The following ME3 variants were observed in gnomAD, a reference collection of about 807,000 sequenced individuals.
The protein encoded by ME3 is NADP-dependent malic enzyme, mitochondrial.
Under a neutral mutation model 68.9 loss-of-function variants are expected in ME3, and 48 were observed. That is an observed-to-expected ratio of 0.70 (90% CI 0.55 to 0.89). ME3 has a LOEUF of 0.89. ME3 is among the 40% of genes least tolerant of loss of function. ME3 has a pLI of 0.00. For synonymous variants in ME3, 320 were observed against 318.8 expected (o/e 1.00, Z -0.04); for missense variants, 675 against 797.4 (o/e 0.85, Z 1.85).
At chr11:86,615,245 T>C (rs1332056934) in intron 2 of ME3, among the ~76,000 whole-genome samples, 2 of 152,168 alleles carry the variant, frequency 1.3e-5, no homozygotes, top group African/African-American at 4.8e-5. Context: ...TAATTGGAAT[T>C]ATGGAATTTT....
At chr11:86,445,338 A>G (rs1194928888) in intron 13 of ME3, among the ~76,000 whole-genome samples, 1 of 152,196 alleles carries the variant, frequency 6.6e-6, no homozygotes, top group East Asian at 1.9e-4. Flanking sequence ...CAAAGACTAG[A>G]CATAGTAAGA....
chr11:86,435,518 C>T, the ME3 span: 1 of 152,148 alleles, frequency 6.6e-6, no homozygotes, highest in South Asian at 2.1e-4. Flanking sequence ...AGGGTCTCTC[C>T]TGAGGGAAAG....
chr11:86,647,724 G>A (rs1215392175), intron 2 of ME3, among the ~76,000 whole-genome samples: 2 of 152,152 alleles, frequency 1.3e-5, no homozygotes, highest in Non-Finnish European at 1.5e-5. Context: ...AAATATATAT[G>A]CACCCAGTAC....
chr11:86,526,292 A>T (rs1398458783), intron 4 of ME3, among the ~76,000 whole-genome samples: 1 of 152,188 alleles, frequency 6.6e-6, no homozygotes, highest in Non-Finnish European at 1.5e-5. Context: ...GTCTGAGATC[A>T]AACTGCAAGG....
At chr11:86,513,477 G>A (rs931842746) in intron 4 of ME3, among the ~76,000 whole-genome samples, 1 of 152,186 alleles carries the variant, frequency 6.6e-6, no homozygotes, top group African/African-American at 2.4e-5. Context: ...GAGAGGTGAA[G>A]TCACTTGTCC....
At chr11:86,656,414 C>T (rs972991243) in intron 2 of ME3, among the ~76,000 whole-genome samples, 2 of 151,972 alleles carry the variant, frequency 1.3e-5, no homozygotes, top group African/African-American at 4.8e-5. Flanking sequence ...GAATGCTATG[C>T]AGCCATAAAA....
intron 4 of ME3, among the ~76,000 whole-genome samples, chr11:86,552,075 G>T (rs938214304): frequency 5.9e-5 from 9 of 152,214 alleles, no homozygotes; most frequent in Non-Finnish European, 1.0e-4. Context: ...CTGAGTAGAT[G>T]ACAACTCCTG....
chr11:86,482,506 G>A (rs1015711918), intron 7 of ME3, among the ~76,000 whole-genome samples: 5 of 151,310 alleles, frequency 3.3e-5, no homozygotes, highest in African/African-American at 9.7e-5. Flanking sequence ...ATAGGGTGTG[G>A]CAGTCTCTGA....
At chr11:86,586,701 G>A (rs536579137) in intron 2 of ME3, among the ~76,000 whole-genome samples, 2 of 152,300 alleles carry the variant, frequency 1.3e-5, no homozygotes, top group African/African-American at 4.8e-5. Context: ...AGATTTTGTT[G>A]TGGTGGTAGC....
At chr11:86,545,347 G>T (rs1052768674) in intron 4 of ME3, among the ~76,000 whole-genome samples, 15 of 152,190 alleles carry the variant, frequency 9.9e-5, no homozygotes, top group African/African-American at 3.6e-4. Context: ...AGAAATAAAG[G>T]GTATTCAAAT....
intron 2 of ME3, among the ~76,000 whole-genome samples, chr11:86,578,683 T>C (rs1167878578): frequency 6.6e-6 from 1 of 152,194 alleles, no homozygotes; most frequent in Non-Finnish European, 1.5e-5. Context: ...AGTGGACCAT[T>C]GTGGTGCACA....
At chr11:86,446,918 C>T in intron 12 of ME3, 147 bp downstream of exon 12, 1 of 1,127,630 alleles carries the variant, frequency 8.9e-7, no homozygotes, top group East Asian at 2.6e-5. Flanking sequence ...TCCTTATTAG[C>T]TCTTTGACCT....
intron 2 of ME3, among the ~76,000 whole-genome samples, chr11:86,624,194 G>C (rs906890397): frequency 1.3e-5 from 2 of 152,210 alleles, no homozygotes; most frequent in African/African-American, 2.4e-5. Flanking sequence ...GGACGATTCA[G>C]AGGGCTTCTC....
intron 4 of ME3, among the ~76,000 whole-genome samples, chr11:86,510,718 C>T (rs66872826): frequency 5.9e-5 from 9 of 152,062 alleles, no homozygotes; most frequent in South Asian, 4.2e-4. Context: ...TATCTCCAGA[C>T]GTTGGCAAAT....
At chr11:86,600,303 T>C (rs1176821760) in intron 2 of ME3, among the ~76,000 whole-genome samples, 1 of 152,190 alleles carries the variant, frequency 6.6e-6, no homozygotes, top group Non-Finnish European at 1.5e-5. Context: ...GTTGCAATCC[T>C]AGTCTCTGAT....
At chr11:86,512,720 T>G (rs1953631510) in intron 4 of ME3, among the ~76,000 whole-genome samples, 1 of 152,102 alleles carries the variant, frequency 6.6e-6, no homozygotes, top group African/African-American at 2.4e-5. Flanking sequence ...ACTTTAAGAC[T>G]TGGGGAGTGC....
chr11:86,533,991 A>G (rs986054854), intron 4 of ME3, among the ~76,000 whole-genome samples: 8 of 152,062 alleles, frequency 5.3e-5, no homozygotes, highest in Non-Finnish European at 2.9e-5. Flanking sequence ...TGACTACTGT[A>G]TGTAATTATA....
At chr11:86,522,884 G>A (rs1399666860) in intron 4 of ME3, among the ~76,000 whole-genome samples, 1 of 152,150 alleles carries the variant, frequency 6.6e-6, no homozygotes, top group African/African-American at 2.4e-5. Context: ...AAAGTATATT[G>A]TAGGATATGT....
chr11:86,488,051 A>T (rs1010082790), intron 6 of ME3, among the ~76,000 whole-genome samples: 1 of 152,136 alleles, frequency 6.6e-6, no homozygotes, highest in Non-Finnish European at 1.5e-5. Context: ...ATGGTGGTGT[A>T]TGTCTTTGGT....
Sources: allele counts gnomAD v4.1 joint callset (sites outside exome capture counted in the v4.1 genomes callset), GRCh38; gene constraint gnomAD v4.1.1; transcripts MANE v1.5; gene names NCBI Gene and HGNC (gene_info 2026-07-23, HGNC 2026-07-21).